STK4: variants seen among roughly 807,000 people sequenced by gnomAD.
STK4 encodes serine/threonine kinase 4, also known as serine/threonine-protein kinase 4.
A neutral mutation model predicts 64.9 loss-of-function variants in STK4; 30 were observed. The observed-to-expected ratio is 0.46, with a 90% CI of 0.35 to 0.63. The LOEUF is 0.63. Ranked by LOEUF, STK4 falls within the 20% of genes least tolerant of loss-of-function variation. The pLI is 0.01. For missense variants in STK4, 466 were observed against 598.5 expected (o/e 0.78, Z 2.31); for synonymous variants, 177 against 199.0 (o/e 0.89, Z 0.93).
At chr20:44,968,161 G>T (rs1239598267) in intron 1 of STK4, among the ~76,000 whole-genome samples, 3 of 149,982 alleles carry the variant, frequency 2.0e-5, no homozygotes, top group African/African-American at 7.4e-5. Flanking sequence ...TTTTTGAGAC[G>T]GAGTCTCACT....
chr20:45,016,612 T>C (rs935363211), intron 9 of STK4, among the ~76,000 whole-genome samples: 3 of 152,208 alleles, frequency 2.0e-5, no homozygotes, highest in Non-Finnish European at 4.4e-5. Context: ...AGCACAGAAC[T>C]CCTGATGCCT....
Position 44,978,448 on chromosome 20 carries a change from A to T in STK4, c.122A>T (p.Tyr41Phe), listed in dbSNP as rs140854695. The change falls in exon 3 of 11, where the codon TAT (tyrosine) becomes TTT (phenylalanine). Residue 41 changes from tyrosine to phenylalanine, a missense_variant. Transcript: ENST00000372806. ...TTCTTCTCCCAAATGTATAGGTCCT[A>T]TGGCAGCGTATACAAAGCTATTCAT... ...DVLEKLGEGS[Y>F]GSVYKAIHKE... 2 of 1,613,398 alleles carry T rather than the reference A, an allele frequency of 1.2e-6. No homozygotes were observed. The highest frequency in any genetic ancestry group is 4.5e-5 in the East Asian group (2 of 44,878).
chr20:45,060,615 T>C (rs1320373412), intron 10 of STK4, among the ~76,000 whole-genome samples: 2 of 152,170 alleles, frequency 1.3e-5, no homozygotes, highest in Non-Finnish European at 2.9e-5. Context: ...CAGAGGCAAA[T>C]GCCTATATCT....
At chr20:44,991,270 G>A (rs2067628958) in intron 5 of STK4, among the ~76,000 whole-genome samples, 1 of 152,132 alleles carries the variant, frequency 6.6e-6, no homozygotes, top group African/African-American at 2.4e-5. Context: ...TGCCCATTAA[G>A]GTTGCTTAGA....
At chr20:45,031,809 G>A (rs1481712426) in intron 10 of STK4, among the ~76,000 whole-genome samples, 2 of 150,532 alleles carry the variant, frequency 1.3e-5, no homozygotes, top group South Asian at 2.1e-4. Context: ...GGGGGCCGAG[G>A]CAGAAGAATT....
intron 10 of STK4, among the ~76,000 whole-genome samples, chr20:45,052,421 T>A (rs1470202342): frequency 6.6e-6 from 1 of 152,216 alleles, no homozygotes; most frequent in African/African-American, 2.4e-5. Context: ...CATTTTCTCA[T>A]ATCATTAAAA....
chr20:45,006,249 G>A (rs768408071), intron 9 of STK4, among the ~76,000 whole-genome samples: 2 of 142,562 alleles, frequency 1.4e-5, no homozygotes, highest in African/African-American at 5.1e-5. Flanking sequence ...ATTTTGTTTC[G>A]GATGTATTTA....
intron 8 of STK4, 185 bp downstream of exon 8, chr20:45,000,705 C>T (rs2067822434): frequency 1.2e-6 from 1 of 813,308 alleles, no homozygotes; most frequent in Non-Finnish European, 1.9e-6. Context: ...ATTCTTCTCC[C>T]AGTGCTTCCT....
At chr20:44,983,718 A>G (rs1219952658) in intron 4 of STK4, among the ~76,000 whole-genome samples, 1 of 152,194 alleles carries the variant, frequency 6.6e-6, no homozygotes, top group Admixed American at 6.5e-5. Flanking sequence ...TTGTCTTAAT[A>G]AGAAAAATAA....
chr20:45,064,068 A>G (rs1458821029), intron 10 of STK4, among the ~76,000 whole-genome samples: 1 of 151,366 alleles, frequency 6.6e-6, no homozygotes, highest in Non-Finnish European at 1.5e-5. Context: ...TCAGCCTCCC[A>G]AAGTGCTGGG....
At chr20:45,070,828 C>T (rs1335920465) in intron 10 of STK4, among the ~76,000 whole-genome samples, 1 of 147,824 alleles carries the variant, frequency 6.8e-6, no homozygotes, top group African/African-American at 2.5e-5. Context: ...GCAGAGGTTG[C>T]AGTGAGCTGA....
At chr20:45,028,670 A>C (rs1257751738) in intron 10 of STK4, among the ~76,000 whole-genome samples, 1 of 152,134 alleles carries the variant, frequency 6.6e-6, no homozygotes, top group Admixed American at 6.6e-5. Flanking sequence ...AGTGATATTG[A>C]GATTTTTTCT....
rs74831849 is a variant in STK4 at position 45,022,419 on chromosome 20, C to G, written c.1148-2554C>G. Among the ~76,000 whole-genome samples the G allele has an allele frequency of 3.0e-3, 461 of 152,206 alleles. 2 individuals carry two copies. The highest frequency in any genetic ancestry group is 0.011 in the African/African-American group (439 of 41,528). ...TTTCATTGTTGAAAGAGACAAAGAA[C>G]AGTTGGTGTTTTAACTCCAAAAATT... On this transcript the variant is annotated intron_variant, in intron 9 of 10. Transcript: ENST00000372806.
chr20:45,044,694 G>T (rs145070175), intron 10 of STK4, among the ~76,000 whole-genome samples: 3 of 152,246 alleles, frequency 2.0e-5, no homozygotes, highest in African/African-American at 7.2e-5. Context: ...TTAGAAATTT[G>T]ACATTGTGTG....
intron 9 of STK4, among the ~76,000 whole-genome samples, chr20:45,021,319 G>A (rs193014539): frequency 1.3e-5 from 2 of 152,292 alleles, no homozygotes; most frequent in Non-Finnish European, 2.9e-5. Flanking sequence ...TCTGTTTACT[G>A]AGAATTATTA....
chr20:44,977,119 C>T (rs2067352841), intron 2 of STK4, among the ~76,000 whole-genome samples: 1 of 152,170 alleles, frequency 6.6e-6, no homozygotes. Context: ...ACCACTGTAA[C>T]AAATTAGGAA....
chr20:44,998,257 G>A (rs1785919339), intron 7 of STK4, among the ~76,000 whole-genome samples: 1 of 152,178 alleles, frequency 6.6e-6, no homozygotes, highest in African/African-American at 2.4e-5. Flanking sequence ...GATTGCCCAG[G>A]TTTGAATCCT....
chr20:45,077,692 T>C lies in STK4; in HGVS notation c.*2516T>C, dbSNP rs1447348634. ...ATGAGCCACCGCTCCTGGCCTCTCT[T>C]TCTTTTTTAAACAAAGAACTTTGCA... On this transcript the variant is annotated 3_prime_UTR_variant, in exon 11 of 11. Transcript: ENST00000372806. The C allele has an allele frequency of 6.6e-6, 1 of 152,196 alleles. No homozygotes were observed. Among genetic ancestry groups the C allele is most frequent in the Non-Finnish European group, 1.5e-5 (1 of 68,052 alleles). 9.4% of individuals were successfully genotyped at this position (152,196 alleles called of 1,614,324 possible).
chr20:44,970,648 C>T (rs1331428964), intron 1 of STK4: 1 of 152,076 alleles, frequency 6.6e-6, no homozygotes, highest in Non-Finnish European at 1.5e-5. Context: ...TTTTTAGGAC[C>T]TTTTGATTTT....
Sources: gnomAD v4.1 joint callset for allele counts (sites outside exome capture counted in the v4.1 genomes callset) on GRCh38, gnomAD v4.1.1 for gene constraint, MANE v1.5 for transcripts, NCBI Gene and HGNC (gene_info 2026-07-23, HGNC 2026-07-21) for gene names.